PPFIA2: variants seen among roughly 807,000 people sequenced by gnomAD.
PPFIA2 encodes PPFI scaffold protein A2.
PPFIA2 carries 46 observed loss-of-function variants against 175.5 expected under a neutral mutation model. The ratio of observed to expected loss-of-function variants is 0.26; its 90% CI spans 0.21 to 0.34. The LOEUF (loss-of-function observed/expected upper bound fraction) is 0.34. PPFIA2 is among the 10% of genes least tolerant of loss of function. The probability of loss-of-function intolerance (pLI) is 1.00; values close to 1 mark genes in which losing one functional copy is unlikely to be tolerated. For missense variants in PPFIA2, 1,179 were observed against 1,506.1 expected, an observed-to-expected ratio of 0.78 and a Z score of 3.60; for synonymous variants, 568 against 511.4, an observed-to-expected ratio of 1.11 and a Z score of -1.49.
chr12:81,457,904 G>A (rs1031030753), intron 4 of PPFIA2, 38 bp from the exon 5 acceptor site: 1 of 1,369,890 alleles, frequency 7.3e-7, no homozygotes. Flanking sequence ...AAATATTCAA[G>A]ATCTAAAAGC....
At chr12:81,541,710 T>C (rs1005324658) in intron 4 of PPFIA2, among the ~76,000 whole-genome samples, 3 of 152,172 alleles carry the variant, frequency 2.0e-5, no homozygotes, top group African/African-American at 7.2e-5. Context: ...ATATTTGGCA[T>C]TTTTGTGATC....
chr12:81,567,695 C>T (rs146781543), intron 4 of PPFIA2, among the ~76,000 whole-genome samples: 5 of 152,196 alleles, frequency 3.3e-5, no homozygotes, highest in Admixed American at 6.5e-5. Context: ...GAGTGTGATA[C>T]ATCCTGATAA....
intron 4 of PPFIA2, among the ~76,000 whole-genome samples, chr12:81,504,015 C>T (rs1255972263): frequency 1.3e-5 from 2 of 151,864 alleles, no homozygotes; most frequent in Non-Finnish European, 2.9e-5. Flanking sequence ...TAAAGTTAGA[C>T]AGTGATATAT....
At chr12:81,273,558 CAGAAGT>C (rs908686323) in intron 28 of PPFIA2, among the ~76,000 whole-genome samples, 3 of 152,132 alleles carry the variant, frequency 2.0e-5, no homozygotes, top group Non-Finnish European at 4.4e-5. Context: ...TCCAATCTAT[CAGAAGT>C]AGAAGTTCTT....
intron 13 of PPFIA2, chr12:81,368,127 A>G: frequency 7.8e-7 from 1 of 1,288,258 alleles, no homozygotes; most frequent in Non-Finnish European, 1.0e-6. Context: ...TGGAATTGGT[A>G]ACCAGCTCTC....
intron 4 of PPFIA2, among the ~76,000 whole-genome samples, chr12:81,486,942 A>G (rs1458844160): frequency 6.6e-6 from 1 of 151,966 alleles, no homozygotes; most frequent in East Asian, 1.9e-4. Context: ...TCTTATAGTC[A>G]AATAATAAAC....
chr12:81,380,711 C>T (rs533328003), intron 9 of PPFIA2, among the ~76,000 whole-genome samples: 99 of 152,140 alleles, frequency 6.5e-4, no homozygotes, highest in Non-Finnish European at 1.1e-3. Flanking sequence ...TCCGTGCTGC[C>T]GAGGAGGGAA....
chr12:81,688,205 G>A (rs2074708241), intron 3 of PPFIA2, among the ~76,000 whole-genome samples: 1 of 151,484 alleles, frequency 6.6e-6, no homozygotes, highest in South Asian at 2.1e-4. Flanking sequence ...CTATGTATTG[G>A]GTAACATGTA....
At chr12:81,592,153 C>A (rs1267749030) in intron 4 of PPFIA2, among the ~76,000 whole-genome samples, 1 of 152,078 alleles carries the variant, frequency 6.6e-6, no homozygotes, top group African/African-American at 2.4e-5. Context: ...TTGCATGGGG[C>A]CTGTAGTCCT....
intron 28 of PPFIA2, among the ~76,000 whole-genome samples, chr12:81,274,090 A>G (rs983813262): frequency 2.0e-5 from 3 of 152,146 alleles, no homozygotes; most frequent in Admixed American, 6.5e-5. Flanking sequence ...CATTTTGGCT[A>G]TATAATCAGC....
chr12:81,374,583 A>G (rs776570061), intron 11 of PPFIA2, 51 bp downstream of exon 11: 1 of 1,520,834 alleles, frequency 6.6e-7, no homozygotes. Flanking sequence ...TTTTGATTAC[A>G]AGTCCTTTCT....
At chr12:81,483,082 C>G (rs912914990) in intron 4 of PPFIA2, among the ~76,000 whole-genome samples, 5 of 151,960 alleles carry the variant, frequency 3.3e-5, no homozygotes, top group Admixed American at 1.3e-4. Context: ...TATGTAGAAC[C>G]CTACATTAAG....
intron 14 of PPFIA2, 145 bp downstream of exon 14, chr12:81,366,963 T>C (rs998091935): frequency 2.1e-6 from 2 of 967,936 alleles, no homozygotes; most frequent in African/African-American, 3.4e-5. Flanking sequence ...TACGCTTTTC[T>C]GCACATATTC....
At chr12:81,651,834 G>T (rs1567723317) in intron 4 of PPFIA2, among the ~76,000 whole-genome samples, 2 of 151,998 alleles carry the variant, frequency 1.3e-5, no homozygotes, top group Non-Finnish European at 2.9e-5. Flanking sequence ...CAATATTCAA[G>T]AAATATTATC....
rs181328810 is a variant in PPFIA2 at position 81,445,726 on chromosome 12, G to C, written c.406-6C>G. The C allele has an allele frequency of 1.3e-4, 214 of 1,608,096 alleles. 4 individuals are homozygous for C. The African/African-American group carries it at 2.6e-3, about 20-fold the overall frequency. On this transcript the variant is annotated splice_polypyrimidine_tract_variant and splice_region_variant and intron_variant, in intron 5 of 32. Transcript: ENST00000549396. ...TCCAAATGCTCCAGTAATAGCTATTGGGTTTAACAGAAAATGCAATTATCT... is the reference window on the plus strand; with the variant it reads ...TCCAAATGCTCCAGTAATAGCTATTCGGTTTAACAGAAAATGCAATTATCT...
intron 7 of PPFIA2, among the ~76,000 whole-genome samples, chr12:81,438,706 T>A (rs1479855358): frequency 6.6e-6 from 1 of 152,126 alleles, no homozygotes; most frequent in African/African-American, 2.4e-5. Flanking sequence ...ATGTACATAC[T>A]TTGGGGGTAC....
chr12:81,278,929 G>C (rs1346593547), intron 27 of PPFIA2, among the ~76,000 whole-genome samples: 1 of 152,142 alleles, frequency 6.6e-6, no homozygotes. Context: ...AAACAATGTT[G>C]AGTCAAATAT....
intron 30 of PPFIA2, among the ~76,000 whole-genome samples, chr12:81,266,037 A>C (rs1394514328): frequency 6.6e-6 from 1 of 152,234 alleles, no homozygotes; most frequent in Non-Finnish European, 1.5e-5. Context: ...TGTAGAACTT[A>C]TCTCTCTATA....
Position 81,754,023 on chromosome 12 carries a change from T to G in PPFIA2, c.199A>C (p.Ile67Leu), listed in dbSNP as rs748038065. The G allele has an allele frequency of 6.2e-7, 1 of 1,613,938 alleles. No homozygotes were observed. The highest frequency in any genetic ancestry group is 8.5e-7 in the Non-Finnish European group (1 of 1,179,866). ...SLAQQRLQDVIYDRDSLQRQL... is the reference protein window; with the variant it reads ...SLAQQRLQDVLYDRDSLQRQL... ...CTCTGGAGTGAGTCTCGGTCATAGA[T>G]GACATCCTGAAGTCTTTGCTGGGCA... Residue 67 changes from isoleucine (I) to leucine (L), a missense_variant, in exon 3 of 33, where the codon ATC becomes CTC. Physicochemically the swap from Ile to Leu is conservative, Grantham distance 5. This residue lies in a region of PPFIA2 where 128 missense variants were observed against 141.4 expected (regional missense o/e 0.91). Coordinates refer to ENST00000549396, the MANE Select transcript of PPFIA2 (RefSeq NM_003625.5).
Sources: gnomAD v4.1 joint callset for allele counts (sites outside exome capture counted in the v4.1 genomes callset) on GRCh38, gnomAD v4.1.1 for gene constraint, gnomAD v4.1.1 regional missense constraint, MANE v1.5 for transcripts, NCBI Gene and HGNC (gene_info 2026-07-23, HGNC 2026-07-21) for gene names.